Variants in C8orf34 observed in about 807,000 individuals in gnomAD.
C8orf34 encodes chromosome 8 open reading frame 34.
In C8orf34, 65 loss-of-function variants were observed where a neutral mutation model predicts 68.3. The observed-to-expected ratio is 0.95, with a 90% confidence interval of 0.78 to 1.17. The LOEUF (loss-of-function observed/expected upper bound fraction) is 1.17. C8orf34 is among the 50% of genes most tolerant of loss of function. The pLI is 0.00. For missense variants in C8orf34, 664 were observed against 655.4 expected, an observed-to-expected ratio of 1.01 and a Z score of -0.14; for synonymous variants, 244 against 241.2, an observed-to-expected ratio of 1.01 and a Z score of -0.11.
chr8:68,362,245 G>A (rs1034847436), intron 1 of C8orf34, among the ~76,000 whole-genome samples: 25 of 152,122 alleles, frequency 1.6e-4, no homozygotes, highest in African/African-American at 5.3e-4. Context: ...TCTTTTTCAT[G>A]TTGGCTACTA....
intron 4 of C8orf34, among the ~76,000 whole-genome samples, chr8:68,472,561 G>A (rs1055137386): frequency 3.3e-5 from 5 of 152,096 alleles, no homozygotes; most frequent in Admixed American, 3.3e-4. Context: ...GAATCCTGAA[G>A]GCCATCTTAG....
rs146679895 is a variant in C8orf34, at chr8:68,458,458, C to A, written c.608-10234C>A. 8.7e-3 allele frequency among the ~76,000 whole-genome samples: 1,326 copies of A among 151,774 alleles called. 16 individuals are homozygous for A. The highest frequency in any genetic ancestry group is 0.027 in the African/African-American group (1,131 of 41,360). Reference sequence around the variant, plus strand: ...GATATTGACTAGAATTTAAAAAAAACCAAAAAACCTGAGTTCTTATTTTGT... The same window carrying A: ...GATATTGACTAGAATTTAAAAAAAAACAAAAAACCTGAGTTCTTATTTTGT... On this transcript the variant is annotated intron_variant, in intron 3 of 13. Coordinates refer to ENST00000518698, the MANE Select transcript of C8orf34 (RefSeq NM_052958.4).
At chr8:68,600,180 T>C (rs151198995) in intron 7 of C8orf34, among the ~76,000 whole-genome samples, 4 of 152,136 alleles carry the variant, frequency 2.6e-5, no homozygotes, top group Non-Finnish European at 5.9e-5. Context: ...AATATACATA[T>C]GTAATTTATC....
intron 7 of C8orf34, among the ~76,000 whole-genome samples, chr8:68,611,475 C>A (rs550471940): frequency 6.6e-6 from 1 of 152,236 alleles, no homozygotes; most frequent in Non-Finnish European, 1.5e-5. Context: ...TTCATAAATA[C>A]TTTTATACCT....
At chr8:68,394,448 A>G (rs886673032) in intron 1 of C8orf34, among the ~76,000 whole-genome samples, 1 of 151,738 alleles carries the variant, frequency 6.6e-6, no homozygotes, top group Admixed American at 6.6e-5. Flanking sequence ...ACAGTATTCC[A>G]TGGTGTATAT....
chr8:68,690,091 G>A (rs921474922), intron 8 of C8orf34, among the ~76,000 whole-genome samples: 2 of 151,974 alleles, frequency 1.3e-5, no homozygotes, highest in African/African-American at 4.8e-5. Flanking sequence ...GTGGGGTCAG[G>A]CCTGTTATAA....
intron 4 of C8orf34, among the ~76,000 whole-genome samples, chr8:68,486,762 G>A (rs1312373993): frequency 1.3e-5 from 2 of 152,154 alleles, no homozygotes; most frequent in Non-Finnish European, 2.9e-5. Context: ...ATTGTCCTGA[G>A]GCTGCTTTCA....
At chr8:68,795,324 C>CTTTTTTTTTTTTTTTT (rs59226472) in intron 12 of C8orf34, among the ~76,000 whole-genome samples, 1 of 127,412 alleles carries the variant, frequency 7.8e-6, no homozygotes, top group Non-Finnish European at 1.7e-5. Flanking sequence ...TTATTGACTG[C>CTTTTTTTTTTTTTTTT]TTTTTTTTTT....
intron 5 of C8orf34, among the ~76,000 whole-genome samples, chr8:68,509,634 G>A (rs1177978220): frequency 6.6e-6 from 1 of 152,122 alleles, no homozygotes; most frequent in Admixed American, 6.5e-5. Flanking sequence ...TTTTTTAAAG[G>A]AGTCCCAGGG....
intron 1 of C8orf34, among the ~76,000 whole-genome samples, chr8:68,366,558 T>C (rs78832346): frequency 3.3e-5 from 5 of 151,244 alleles, no homozygotes; most frequent in South Asian, 2.1e-4. Context: ...AGATATAGAT[T>C]AATGGAACAG....
rs551991398 is a variant in C8orf34 at position 68,696,870 on chromosome 8, C to A, written c.1242-12124C>A. Reference sequence around the variant, plus strand: ...GCTAATAGAAATCCATTACAATTAACGACCTCACTGCTATTTAATCTCTTT... The same window carrying A: ...GCTAATAGAAATCCATTACAATTAAAGACCTCACTGCTATTTAATCTCTTT... On this transcript the variant is annotated intron_variant, in intron 8 of 13. Coordinates refer to ENST00000518698, the MANE Select transcript of C8orf34 (RefSeq NM_052958.4). Among the ~76,000 whole-genome samples, 238 of 152,086 alleles carry A rather than the reference C, an allele frequency of 1.6e-3. 2 individuals carry two copies. The highest frequency in any genetic ancestry group is 0.014 in the Middle Eastern group (4 of 294).
chr8:68,763,696 C>T (rs1823088225), intron 10 of C8orf34, among the ~76,000 whole-genome samples: 1 of 152,156 alleles, frequency 6.6e-6, no homozygotes, highest in African/African-American at 2.4e-5. Context: ...TTTATGTCTT[C>T]TGATGACATC....
chr8:68,681,276 G>A (rs1267622807), intron 8 of C8orf34, among the ~76,000 whole-genome samples: 1 of 151,676 alleles, frequency 6.6e-6, no homozygotes, highest in Non-Finnish European at 1.5e-5. Flanking sequence ...AGGATTAAGA[G>A]ATTAAAGTAA....
At chr8:68,403,198 C>G (rs1216547681) in intron 1 of C8orf34, among the ~76,000 whole-genome samples, 1 of 152,150 alleles carries the variant, frequency 6.6e-6, no homozygotes, top group Non-Finnish European at 1.5e-5. Context: ...ATAGGGGAGG[C>G]CAGTGGAAGG....
chr8:68,500,131 C>A (rs1375153167), intron 5 of C8orf34, among the ~76,000 whole-genome samples: 1 of 152,186 alleles, frequency 6.6e-6, no homozygotes, highest in Non-Finnish European at 1.5e-5. Flanking sequence ...CCTGCAGAAC[C>A]ATGAGCCAAT....
intron 1 of C8orf34, among the ~76,000 whole-genome samples, chr8:68,364,841 A>G (rs1345552949): frequency 6.6e-6 from 1 of 151,888 alleles, no homozygotes; most frequent in Non-Finnish European, 1.5e-5. Context: ...AAGAACTAGA[A>G]AAGCAAGAGC....
chr8:68,397,033 G>A (rs1257004707), intron 1 of C8orf34, among the ~76,000 whole-genome samples: 1 of 151,772 alleles, frequency 6.6e-6, no homozygotes, highest in Non-Finnish European at 1.5e-5. Flanking sequence ...TTGAGGTAGA[G>A]TCTCACTCTG....
At chr8:68,434,595 C>T (rs1178256352) in intron 1 of C8orf34, among the ~76,000 whole-genome samples, 1 of 152,066 alleles carries the variant, frequency 6.6e-6, no homozygotes, top group Non-Finnish European at 1.5e-5. Flanking sequence ...GTAAATAGTG[C>T]TGTAATTGTA....
chr8:68,612,232 T>C (rs1282868909), intron 7 of C8orf34, among the ~76,000 whole-genome samples: 1 of 152,156 alleles, frequency 6.6e-6, no homozygotes, highest in Non-Finnish European at 1.5e-5. Context: ...TGCCAGACAC[T>C]ACTTCACACC....
Sources: allele counts gnomAD v4.1 joint callset (sites outside exome capture counted in the v4.1 genomes callset), GRCh38; gene constraint gnomAD v4.1.1; transcripts MANE v1.5; gene names NCBI Gene and HGNC (gene_info 2026-07-23, HGNC 2026-07-21).